The following PTP4A2 variants were observed in gnomAD, a reference collection of about 807,000 sequenced individuals.
PTP4A2 encodes protein tyrosine phosphatase type IVA 2.
PTP4A2 carries 2 observed loss-of-function variants against 22.9 expected under a neutral mutation model. That is an observed-to-expected ratio of 0.09 (90% confidence interval 0.04 to 0.27). PTP4A2 has a LOEUF of 0.27. Among genes scored for constraint, PTP4A2 ranks in the 10% least tolerant of loss-of-function variants. The pLI is 1.00. For missense variants in PTP4A2, 103 were observed against 205.1 expected, an observed-to-expected ratio of 0.50 and a Z score of 3.04; for synonymous variants, 68 against 69.1, an observed-to-expected ratio of 0.98 and a Z score of 0.08.
chr1:31,919,085 G>C lies in PTP4A2; in HGVS notation c.-20C>G. On this transcript the variant is annotated 5_prime_UTR_variant, in exon 2 of 6. Transcript: ENST00000647444. ...GTTCATTATGGCAAATAAAAAGTGT[G>C]AGCGTGCGTGTGAGTGTGATGGGGA... 7.7e-7 allele frequency: 1 copy of C among 1,292,852 alleles called. No homozygotes were observed. Among genetic ancestry groups the C allele is most frequent in the South Asian group, 1.2e-5 (1 of 83,248 alleles). 80.1% of individuals were successfully genotyped at this position (1,292,852 alleles called of 1,614,324 possible).
At chr1:31,917,953 A>G (rs2124183749) in intron 2 of PTP4A2, among the ~76,000 whole-genome samples, 1 of 150,730 alleles carries the variant, frequency 6.6e-6, no homozygotes, top group African/African-American at 2.4e-5. Context: ...GTCTCAAAAA[A>G]AAAAAAAAAA....
intron 1 of PTP4A2, among the ~76,000 whole-genome samples, chr1:31,925,279 C>A (rs1557866675): frequency 6.6e-6 from 1 of 152,186 alleles, no homozygotes; most frequent in African/African-American, 2.4e-5. Context: ...GATTTACAAT[C>A]AAACTACGTT....
At chr1:31,913,934 A>C in intron 3 of PTP4A2, 1 of 454,658 alleles carries the variant, frequency 2.2e-6, no homozygotes, top group Admixed American at 2.4e-5. Context: ...GGAAGTTTAA[A>C]TTTTATTACT....
rs1651328900 is a variant in PTP4A2 at position 31,908,180 on chromosome 1, ATATATATAT to A, written c.*663_*671del. The A allele has an allele frequency of 1.8e-4, 2 of 11,174 alleles. No homozygotes were observed. Among genetic ancestry groups the A allele is most frequent in the Non-Finnish European group, 1.4e-4 (1 of 6,976 alleles). 0.7% of individuals were successfully genotyped at this position (11,174 alleles called of 1,614,324 possible). A position where few individuals can be genotyped will look rare whatever the true frequency, so the allele number is the denominator to read the frequency against. Reference sequence around the variant, plus strand: ...TATATATATATATATATATATATATATATATATATATATATATATATATATATCACTGCT... The same window carrying A: ...TATATATATATATATATATATATATAATATATATATATATATATCACTGCT... On this transcript the variant is annotated 3_prime_UTR_variant, in exon 6 of 6. Transcript: ENST00000647444.
intron 1 of PTP4A2, among the ~76,000 whole-genome samples, chr1:31,927,232 C>T (rs566042268): frequency 1.3e-5 from 2 of 152,260 alleles, no homozygotes. Flanking sequence ...GGCCATTATC[C>T]TAAGCGAATT....
In PTP4A2 at chr1:31,907,056, T is replaced by G. The variant is rs1428222704; in HGVS notation, c.*1796A>C. ...TGGGAGAGGAGAGAATCTACAGATT[T>G]GCGTTTAGTTAAAAATCAAAACTCC... On this transcript the variant is annotated 3_prime_UTR_variant, in exon 6 of 6. Coordinates refer to ENST00000647444, the MANE Select transcript of PTP4A2 (RefSeq NM_080391.4). 1 of 152,220 alleles carries G rather than the reference T, an allele frequency of 6.6e-6. No homozygotes were observed. Among genetic ancestry groups the G allele is most frequent in the East Asian group, 1.9e-4 (1 of 5,206 alleles). The allele number at this position is 152,220 out of a possible 1,614,324, so 9.4% of individuals were successfully genotyped here.
intron 1 of PTP4A2, chr1:31,921,431 A>G (rs904794041): frequency 1.1e-4 from 16 of 152,212 alleles, no homozygotes; most frequent in African/African-American, 3.9e-4. Flanking sequence ...AATTGCCTCA[A>G]GAATACAAAA....
intron 3 of PTP4A2, 33 bp from the exon 4 acceptor site, chr1:31,911,859 T>C (rs540473933): frequency 1.3e-6 from 2 of 1,519,816 alleles, no homozygotes; most frequent in Non-Finnish European, 1.8e-6. Context: ...ATTAAATTGA[T>C]ATTTTCTCCA....
At chr1:31,917,339 A>G (rs1299135886) in intron 2 of PTP4A2, among the ~76,000 whole-genome samples, 1 of 152,256 alleles carries the variant, frequency 6.6e-6, no homozygotes, top group Non-Finnish European at 1.5e-5. Flanking sequence ...TTAGTTATCT[A>G]AAGTGTAAAA....
At chr1:31,915,673 GGGACCACAGGTGT>G (rs1203760867) in intron 3 of PTP4A2, 20 of 340,086 alleles carry the variant, frequency 5.9e-5, no homozygotes, top group Non-Finnish European at 1.1e-4. Context: ...CCAAGTAGCT[GGGACCACAGGTGT>G]GCACCAACAT....
chr1:31,929,986 C>T (rs368043060), intron 1 of PTP4A2, among the ~76,000 whole-genome samples: 3 of 152,324 alleles, frequency 2.0e-5, no homozygotes, highest in Non-Finnish European at 2.9e-5. Flanking sequence ...AAATAACCTA[C>T]AGCACAGGAG....
chr1:31,931,717 ATAATT>A (rs1652735898), intron 1 of PTP4A2, among the ~76,000 whole-genome samples: 1 of 152,220 alleles, frequency 6.6e-6, no homozygotes, highest in Admixed American at 6.5e-5. Flanking sequence ...CCCAATTTGC[ATAATT>A]TAAACTAATC....
In PTP4A2 at chr1:31,907,163, T is replaced by C. The variant is rs777127723; in HGVS notation, c.*1689A>G. ...GAGACAAGGTCCCGGTCTGTTCCTATTGGCCTAGCTGACGCTAACAAAATG... is the reference window on the plus strand; with the variant it reads ...GAGACAAGGTCCCGGTCTGTTCCTACTGGCCTAGCTGACGCTAACAAAATG... On this transcript the variant is annotated 3_prime_UTR_variant, in exon 6 of 6. Coordinates refer to ENST00000647444, the MANE Select transcript of PTP4A2 (RefSeq NM_080391.4). 11 of 152,212 alleles carry C rather than the reference T, an allele frequency of 7.2e-5. No individual in the cohort carries two copies. Among genetic ancestry groups the C allele is most frequent in the Non-Finnish European group, 1.0e-4 (7 of 68,054 alleles). The allele number at this position is 152,212 out of a possible 1,614,324, so 9.4% of individuals were successfully genotyped here.
chr1:31,908,149 T>C lies in PTP4A2; in HGVS notation c.*703A>G, dbSNP rs1329618654. On this transcript the variant is annotated 3_prime_UTR_variant, in exon 6 of 6. Transcript: ENST00000647444. ...ATATATATATATTATATTATATATA[T>C]ATATATATATATATATATATATATA... The C allele has an allele frequency of 2.4e-3, 2 of 844 alleles. No homozygotes were observed. The highest frequency in any genetic ancestry group is 3.3e-3 in the African/African-American group (1 of 306). The allele number at this position is 844 out of a possible 1,614,324, so 0.1% of individuals were successfully genotyped here.
At chr1:31,936,818 A>G (rs1652953478) in intron 1 of PTP4A2, among the ~76,000 whole-genome samples, 1 of 151,982 alleles carries the variant, frequency 6.6e-6, no homozygotes, top group African/African-American at 2.4e-5. Flanking sequence ...GCATAACTTC[A>G]CTCACTTCCC....
intron 1 of PTP4A2, chr1:31,933,836 T>C (rs756571416): frequency 6.6e-6 from 1 of 152,178 alleles, no homozygotes; most frequent in South Asian, 2.1e-4. Flanking sequence ...AATGAGACAA[T>C]ACATGATTTG....
rs536071937 is a variant in PTP4A2, at chr1:31,909,447, G to T, written c.396-487C>A. 5.6e-4 allele frequency among the ~76,000 whole-genome samples: 85 copies of T among 152,170 alleles called. 3 individuals carry two copies. In the South Asian group the frequency reaches 0.017, roughly 30 times the overall value. On this transcript the variant is annotated intron_variant, in intron 5 of 5. Coordinates refer to ENST00000647444, the MANE Select transcript of PTP4A2 (RefSeq NM_080391.4). ...TCCCAGCACTTTGGGAGGCCGAGGTGGGCGGATCACGAGATCAGGAGATTG... is the reference window on the plus strand; with the variant it reads ...TCCCAGCACTTTGGGAGGCCGAGGTTGGCGGATCACGAGATCAGGAGATTG...
At chr1:31,934,635 T>C (rs1652858195) in intron 1 of PTP4A2, among the ~76,000 whole-genome samples, 1 of 152,258 alleles carries the variant, frequency 6.6e-6, no homozygotes. Flanking sequence ...ACTACCTTTA[T>C]AGGACAAAAT....
intron 1 of PTP4A2, among the ~76,000 whole-genome samples, chr1:31,927,726 G>A (rs1179918422): frequency 6.6e-6 from 1 of 152,166 alleles, no homozygotes; most frequent in African/African-American, 2.4e-5. Flanking sequence ...TCCACAGACT[G>A]GATATAGAGT....
Sources: gnomAD v4.1 joint callset for allele counts (sites outside exome capture counted in the v4.1 genomes callset) on GRCh38, gnomAD v4.1.1 for gene constraint, MANE v1.5 for transcripts, NCBI Gene and HGNC (gene_info 2026-07-23, HGNC 2026-07-21) for gene names.